The following BNC2 variants were observed in gnomAD, a reference collection of about 807,000 sequenced individuals.
BNC2 encodes the protein zinc finger protein basonuclin-2.
A neutral mutation model predicts 76.3 loss-of-function variants in BNC2; 20 were observed. The observed-to-expected ratio is 0.26, with a 90% CI of 0.18 to 0.38. The LOEUF is 0.38. Among genes scored for constraint, BNC2 ranks in the 10% least tolerant of loss-of-function variants. BNC2 has a pLI of 1.00. For synonymous variants in BNC2, 582 were observed against 514.8 expected (o/e 1.13, Z -1.77); for missense variants, 1,382 against 1,399.8 (o/e 0.99, Z 0.20).
chr9:16,552,901 G>A, intron 4 of BNC2, 136 bp from the exon 5 acceptor site: 1 of 676,166 alleles, frequency 1.5e-6, no homozygotes, highest in East Asian at 2.7e-5. Flanking sequence ...AGGTGTTTAA[G>A]CAAGATCTTG....
At chr9:16,822,905 G>T (rs1352542964) in intron 1 of BNC2, among the ~76,000 whole-genome samples, 2 of 152,082 alleles carry the variant, frequency 1.3e-5, no homozygotes, top group Non-Finnish European at 2.9e-5. Context: ...GAACTCAAAA[G>T]TTCATACTAT....
intron 3 of BNC2, among the ~76,000 whole-genome samples, chr9:16,606,483 C>T (rs981042343): frequency 5.3e-5 from 8 of 152,066 alleles, no homozygotes; most frequent in African/African-American, 1.4e-4. Context: ...CAGGTCTTTC[C>T]CATGCTATTC....
intron 5 of BNC2, among the ~76,000 whole-genome samples, chr9:16,462,527 G>C (rs560934622): frequency 3.3e-5 from 5 of 152,170 alleles, no homozygotes; most frequent in African/African-American, 1.2e-4. Flanking sequence ...ACAAAGTTTG[G>C]AGAAAAGTAA....
chr9:16,823,963 C>A (rs1356842326), intron 1 of BNC2, among the ~76,000 whole-genome samples: 1 of 152,188 alleles, frequency 6.6e-6, no homozygotes, highest in African/African-American at 2.4e-5. Flanking sequence ...TATAATTAAT[C>A]TTAGTTTGTA....
At chr9:16,769,864 G>C (rs1392075192) in intron 1 of BNC2, among the ~76,000 whole-genome samples, 2 of 152,162 alleles carry the variant, frequency 1.3e-5, no homozygotes, top group Admixed American at 6.5e-5. Flanking sequence ...CTGATGCTGT[G>C]AAGTATAGAC....
intron 5 of BNC2, among the ~76,000 whole-genome samples, chr9:16,451,305 A>G (rs1194914748): frequency 6.6e-6 from 1 of 152,154 alleles, no homozygotes. Context: ...ACCTGGGTAT[A>G]AGTTAACAGA....
At chr9:16,721,512 C>T (rs1824157064) in intron 3 of BNC2, among the ~76,000 whole-genome samples, 1 of 152,014 alleles carries the variant, frequency 6.6e-6, no homozygotes, top group South Asian at 2.1e-4. Context: ...TTCCTAGGAC[C>T]CCCAAACAAT....
At chr9:16,672,648 C>G (rs1433661787) in intron 3 of BNC2, among the ~76,000 whole-genome samples, 1 of 152,168 alleles carries the variant, frequency 6.6e-6, no homozygotes, top group Non-Finnish European at 1.5e-5. Flanking sequence ...GTTCTAAATC[C>G]ATTCTCTTTA....
At chr9:16,833,826 C>T (rs1032242332) in intron 1 of BNC2, among the ~76,000 whole-genome samples, 2 of 152,154 alleles carry the variant, frequency 1.3e-5, no homozygotes, top group Admixed American at 1.3e-4. Flanking sequence ...TGGTCCTTAA[C>T]ATGGCCTCCT....
chr9:16,698,077 T>A (rs947206502), intron 3 of BNC2, among the ~76,000 whole-genome samples: 1 of 152,186 alleles, frequency 6.6e-6, no homozygotes, highest in African/African-American at 2.4e-5. Flanking sequence ...TTTATTGAAA[T>A]AGAGCCCTGC....
At chr9:16,753,275 T>C (rs1825275939) in intron 1 of BNC2, among the ~76,000 whole-genome samples, 1 of 152,238 alleles carries the variant, frequency 6.6e-6, no homozygotes, top group African/African-American at 2.4e-5. Context: ...CTATATAAAT[T>C]TGATTTACAA....
intron 5 of BNC2, among the ~76,000 whole-genome samples, chr9:16,498,914 A>G (rs1355382648): frequency 1.3e-5 from 2 of 152,130 alleles, no homozygotes; most frequent in Non-Finnish European, 2.9e-5. Flanking sequence ...GGGCTACTGG[A>G]TATCAAATAG....
intron 3 of BNC2, among the ~76,000 whole-genome samples, chr9:16,726,424 T>C (rs1824319905): frequency 6.6e-6 from 1 of 152,186 alleles, no homozygotes; most frequent in South Asian, 2.1e-4. Flanking sequence ...GTTGTAGGTA[T>C]TATCGCTTGC....
At chr9:16,804,383 G>A (rs146850878) in intron 1 of BNC2, among the ~76,000 whole-genome samples, 172 of 152,290 alleles carry the variant, frequency 1.1e-3, no homozygotes, top group African/African-American at 3.9e-3. Flanking sequence ...TGACTTCCTC[G>A]TGGTCACAGC....
At chr9:16,560,674 G>A (rs7858087) in intron 4 of BNC2, among the ~76,000 whole-genome samples, 8,254 of 152,268 alleles carry the variant, frequency 0.054, 800 homozygotes, top group African/African-American at 0.19. Context: ...GCTGCAGTGA[G>A]CTATGATCCT....
At chr9:16,840,250 T>C (rs1322406339) in intron 1 of BNC2, among the ~76,000 whole-genome samples, 1 of 152,202 alleles carries the variant, frequency 6.6e-6, no homozygotes, top group Admixed American at 6.5e-5. Flanking sequence ...TATTCCTTAA[T>C]TTCTCTGTGT....
chr9:16,703,769 T>C (rs930875884), intron 3 of BNC2, among the ~76,000 whole-genome samples: 2 of 152,184 alleles, frequency 1.3e-5, no homozygotes, highest in Non-Finnish European at 2.9e-5. Context: ...TAGTTTACTT[T>C]TCTGTGCTAT....
At chr9:16,455,531 C>G (rs1821428949) in intron 5 of BNC2, among the ~76,000 whole-genome samples, 1 of 152,176 alleles carries the variant, frequency 6.6e-6, no homozygotes, top group South Asian at 2.1e-4. Context: ...TGGTTCACAC[C>G]TGTAATCTCA....
chr9:16,721,096 G>A (rs1228504321), intron 3 of BNC2, among the ~76,000 whole-genome samples: 1 of 152,176 alleles, frequency 6.6e-6, no homozygotes, highest in Non-Finnish European at 1.5e-5. Context: ...CAATGAGGAG[G>A]AAATGTGGGG....
Sources: gnomAD v4.1 joint callset for allele counts (sites outside exome capture counted in the v4.1 genomes callset) on GRCh38, gnomAD v4.1.1 for gene constraint, MANE v1.5 for transcripts, NCBI Gene and HGNC (gene_info 2026-07-23, HGNC 2026-07-21) for gene names.